Variants in PCDH15 observed in about 807,000 individuals in gnomAD.
The protein encoded by PCDH15 is protocadherin-15.
Under a neutral mutation model 178.5 loss-of-function variants are expected in PCDH15, and 129 were observed. The ratio of observed to expected loss-of-function variants is 0.72; its 90% CI spans 0.63 to 0.84. The LOEUF (loss-of-function observed/expected upper bound fraction) is 0.84, where lower values mean the gene tolerates loss of function less well. Among genes scored for constraint, PCDH15 ranks in the 40% least tolerant of loss-of-function variants. PCDH15 has a pLI of 0.00. For missense variants in PCDH15, 2,230 were observed against 2,099.9 expected, an observed-to-expected ratio of 1.06 and a Z score of -1.21; for synonymous variants, 800 against 732.0, an observed-to-expected ratio of 1.09 and a Z score of -1.50.
chr10:54,088,476 T>G (rs2136035198), intron 16 of PCDH15, among the ~76,000 whole-genome samples: 1 of 152,332 alleles, frequency 6.6e-6, no homozygotes, highest in African/African-American at 2.4e-5. Flanking sequence ...TACATTATTT[T>G]AAAATATTTT....
chr10:55,430,058 G>A (rs1838846780), intron 2 of PCDH15, among the ~76,000 whole-genome samples: 1 of 152,202 alleles, frequency 6.6e-6, no homozygotes, highest in South Asian at 2.1e-4. Context: ...ATGTAATATA[G>A]GTTAGTACAT....
intron 2 of PCDH15, among the ~76,000 whole-genome samples, chr10:55,414,721 AT>A (rs1838431643): frequency 1.3e-5 from 2 of 149,784 alleles, no homozygotes; most frequent in Admixed American, 1.3e-4. Flanking sequence ...TTATATGTTA[AT>A]TTTGTGTCCT....
intron 2 of PCDH15, among the ~76,000 whole-genome samples, chr10:55,550,089 C>A (rs1841974008): frequency 6.6e-6 from 1 of 151,994 alleles, no homozygotes; most frequent in Non-Finnish European, 1.5e-5. Flanking sequence ...TTGTTTTATA[C>A]ATGTCAATCT....
chr10:55,294,342 C>T (rs1028661113), intron 1 of PCDH15, among the ~76,000 whole-genome samples: 14 of 152,092 alleles, frequency 9.2e-5, no homozygotes, highest in South Asian at 4.1e-4. Context: ...GGATTGCTCA[C>T]GGTTAGTTAT....
At chr10:54,645,887 A>G (rs1395503526) in intron 2 of PCDH15, among the ~76,000 whole-genome samples, 2 of 152,196 alleles carry the variant, frequency 1.3e-5, no homozygotes, top group African/African-American at 4.8e-5. Context: ...GTTAATCCTA[A>G]CAGTAATCTA....
At chr10:54,903,813 AGT>A (rs1228020283) in intron 2 of PCDH15, among the ~76,000 whole-genome samples, 3 of 152,106 alleles carry the variant, frequency 2.0e-5, no homozygotes, top group African/African-American at 7.2e-5. Context: ...ATTTTATTGC[AGT>A]GTTTCAATAG....
At chr10:54,051,162 T>C (rs1490139574) in intron 18 of PCDH15, among the ~76,000 whole-genome samples, 5 of 152,172 alleles carry the variant, frequency 3.3e-5, no homozygotes, top group Non-Finnish European at 5.9e-5. Flanking sequence ...GAGAACAGAC[T>C]AGTACAGTAC....
intron 15 of PCDH15, among the ~76,000 whole-genome samples, chr10:54,108,828 G>A (rs905011033): frequency 1.3e-5 from 2 of 152,188 alleles, no homozygotes; most frequent in Non-Finnish European, 2.9e-5. Context: ...ACACTAGTCA[G>A]TCATGAGGCT....
chr10:55,241,086 C>G (rs899336948), intron 1 of PCDH15, among the ~76,000 whole-genome samples: 7 of 151,986 alleles, frequency 4.6e-5, no homozygotes, highest in Non-Finnish European at 1.0e-4. Flanking sequence ...CGTGGTGGCA[C>G]ACACCTGTAG....
intron 3 of PCDH15, among the ~76,000 whole-genome samples, chr10:54,491,501 G>A (rs565201841): frequency 7.9e-5 from 12 of 152,112 alleles, no homozygotes; most frequent in African/African-American, 2.2e-4. Context: ...TCCCAGGTTA[G>A]GTTTATAGAG....
chr10:55,019,331 A>G (rs1192497937), intron 2 of PCDH15, among the ~76,000 whole-genome samples: 1 of 151,970 alleles, frequency 6.6e-6, no homozygotes, highest in African/African-American at 2.4e-5. Flanking sequence ...ATTTGAACTC[A>G]TGTGTTTTTG....
At chr10:54,118,238 C>T (rs1218049605) in intron 15 of PCDH15, among the ~76,000 whole-genome samples, 2 of 152,188 alleles carry the variant, frequency 1.3e-5, no homozygotes, top group South Asian at 2.1e-4. Context: ...AATAAAGCCA[C>T]ACATCTGCAG....
intron 2 of PCDH15, among the ~76,000 whole-genome samples, chr10:55,082,064 T>C (rs1442595568): frequency 3.3e-5 from 5 of 152,150 alleles, no homozygotes; most frequent in Non-Finnish European, 7.4e-5. Flanking sequence ...ATCTGCGCTA[T>C]AGACCAAATG....
intron 2 of PCDH15, among the ~76,000 whole-genome samples, chr10:55,574,685 A>G (rs1171734153): frequency 6.6e-6 from 1 of 152,062 alleles, no homozygotes. Context: ...TAATGAGAAA[A>G]GAAAGAAAAA....
chr10:54,682,435 C>T (rs1035059943), intron 1 of PCDH15, among the ~76,000 whole-genome samples: 2 of 152,066 alleles, frequency 1.3e-5, no homozygotes, highest in African/African-American at 2.4e-5. Context: ...AGGACTATGG[C>T]TCTGTCCATC....
chr10:54,830,399 C>T (rs1211661536), intron 3 of PCDH15, among the ~76,000 whole-genome samples: 1 of 152,074 alleles, frequency 6.6e-6, no homozygotes, highest in Non-Finnish European at 1.5e-5. Flanking sequence ...GAATACTATG[C>T]CGCCATAAAA....
chr10:54,268,157 T>A (rs2057812746), intron 8 of PCDH15, among the ~76,000 whole-genome samples: 1 of 151,702 alleles, frequency 6.6e-6, no homozygotes, highest in Admixed American at 6.6e-5. Flanking sequence ...TTAACATAAT[T>A]GATAAAAATG....
chr10:54,337,364 T>C (rs958850694), intron 6 of PCDH15, among the ~76,000 whole-genome samples: 3 of 152,022 alleles, frequency 2.0e-5, no homozygotes, highest in Admixed American at 6.6e-5. Context: ...ATGATTTGGC[T>C]GAATCCCCAC....
At chr10:54,047,654 CT>C (rs1248226273) in intron 18 of PCDH15, among the ~76,000 whole-genome samples, 4 of 151,908 alleles carry the variant, frequency 2.6e-5, no homozygotes, top group Non-Finnish European at 5.9e-5. Flanking sequence ...CCACTTACAT[CT>C]GAGAATAGGT....
Sources: gnomAD v4.1 joint callset for allele counts (sites outside exome capture counted in the v4.1 genomes callset) on GRCh38, gnomAD v4.1.1 for gene constraint, MANE v1.5 for transcripts, NCBI Gene and HGNC (gene_info 2026-07-23, HGNC 2026-07-21) for gene names.